DDX10: variants seen among roughly 807,000 people sequenced by gnomAD.
The protein encoded by DDX10 is DEAD-box helicase 10.
A neutral mutation model predicts 104.3 loss-of-function variants in DDX10; 74 were observed. The observed-to-expected ratio is 0.71, with a 90% CI of 0.59 to 0.86. The LOEUF is 0.86. Ranked by LOEUF, DDX10 falls within the 40% of genes least tolerant of loss-of-function variation. The probability of loss-of-function intolerance (pLI) is 0.00; values close to 1 mark genes in which losing one functional copy is unlikely to be tolerated. For synonymous variants in DDX10, 351 were observed against 353.4 expected, an observed-to-expected ratio of 0.99 and a Z score of 0.08; for missense variants, 952 against 1,040.0, an observed-to-expected ratio of 0.92 and a Z score of 1.16.
intron 17 of DDX10, among the ~76,000 whole-genome samples, chr11:108,928,761 A>G (rs1293744090): frequency 1.3e-5 from 2 of 152,236 alleles, no homozygotes; most frequent in Admixed American, 6.5e-5. Flanking sequence ...ATGACATTGA[A>G]TAGGGTCATT....
At chr11:108,720,608 G>A (rs1464480477) in intron 12 of DDX10, among the ~76,000 whole-genome samples, 4 of 151,974 alleles carry the variant, frequency 2.6e-5, no homozygotes, top group Non-Finnish European at 5.9e-5. Context: ...TTGCGGGGGA[G>A]GAGACAGGGT....
intron 9 of DDX10, among the ~76,000 whole-genome samples, chr11:108,699,147 A>C (rs2094263986): frequency 1.3e-5 from 2 of 150,956 alleles, no homozygotes; most frequent in Non-Finnish European, 3.0e-5. Context: ...CTAAGTGCTT[A>C]GAACAGGACC....
chr11:108,906,683 T>C (rs866805340), intron 16 of DDX10, among the ~76,000 whole-genome samples: 1 of 152,216 alleles, frequency 6.6e-6, no homozygotes, highest in South Asian at 2.1e-4. Flanking sequence ...TAATATCTTA[T>C]TTAGTGTAAT....
At chr11:108,803,603 G>GA (rs1278660507) in intron 13 of DDX10, among the ~76,000 whole-genome samples, 3 of 133,960 alleles carry the variant, frequency 2.2e-5, no homozygotes, top group African/African-American at 5.6e-5. Flanking sequence ...AAAAAAAAAA[G>GA]AAAAAAATCT....
chr11:108,814,886 C>G (rs1862234695), intron 13 of DDX10, among the ~76,000 whole-genome samples: 1 of 152,112 alleles, frequency 6.6e-6, no homozygotes, highest in Non-Finnish European at 1.5e-5. Flanking sequence ...AAGAAACTGA[C>G]AGTTTAATGA....
chr11:108,937,456 AACTC>A (rs1864051276), intron 17 of DDX10, among the ~76,000 whole-genome samples: 1 of 152,230 alleles, frequency 6.6e-6, no homozygotes, highest in African/African-American at 2.4e-5. Flanking sequence ...TTCCATTTAA[AACTC>A]AATTACAAAT....
intron 13 of DDX10, among the ~76,000 whole-genome samples, chr11:108,748,820 A>G (rs1252934496): frequency 1.3e-5 from 2 of 152,094 alleles, no homozygotes. Flanking sequence ...AGCTGGGACT[A>G]TAGGTACACA....
intron 9 of DDX10, among the ~76,000 whole-genome samples, chr11:108,697,682 G>A (rs1421800500): frequency 6.6e-6 from 1 of 152,122 alleles, no homozygotes; most frequent in Admixed American, 6.5e-5. Flanking sequence ...CCAGGTATAT[G>A]AATATAGTTT....
chr11:108,816,507 T>C (rs948718714), intron 13 of DDX10, among the ~76,000 whole-genome samples: 1 of 151,986 alleles, frequency 6.6e-6, no homozygotes, highest in African/African-American at 2.4e-5. Context: ...GTTCACTTAC[T>C]GCCCTAATTC....
At chr11:108,744,489 A>G (rs2094329020) in intron 13 of DDX10, among the ~76,000 whole-genome samples, 1 of 152,188 alleles carries the variant, frequency 6.6e-6, no homozygotes, top group South Asian at 2.1e-4. Context: ...TACAGACCCC[A>G]AAGTCTACTG....
intron 13 of DDX10, among the ~76,000 whole-genome samples, chr11:108,758,080 C>A (rs1565269448): frequency 6.6e-6 from 1 of 151,956 alleles, no homozygotes; most frequent in Non-Finnish European, 1.5e-5. Context: ...GTTCTTTACC[C>A]TCCTAACTAG....
chr11:108,711,579 C>A (rs1442530558), intron 10 of DDX10, among the ~76,000 whole-genome samples: 1 of 152,038 alleles, frequency 6.6e-6, no homozygotes, highest in East Asian at 1.9e-4. Context: ...GTGATCTGCC[C>A]TCCTCGGCCT....
chr11:108,831,381 C>T (rs903088661), intron 13 of DDX10, among the ~76,000 whole-genome samples: 15 of 142,534 alleles, frequency 1.1e-4, no homozygotes, highest in Non-Finnish European at 2.0e-4. Flanking sequence ...TCTTCCCTGG[C>T]GCCACTGCAC....
chr11:108,673,465 A>G lies in DDX10; in HGVS notation c.187-2A>G. The stretch of plus-strand genomic sequence containing the variant: ...CCCTGATTCCTTTTTCTTTTTTTCC[A>G]GATAAATGTAAATGAAATCACAAGA... On this transcript the variant is annotated splice_acceptor_variant, in intron 1 of 17. Transcript: ENST00000322536. LOFTEE classifies it high-confidence loss of function. 1.9e-6 allele frequency: 3 copies of G among 1,581,018 alleles called. No individual in the cohort carries two copies. The highest frequency in any genetic ancestry group is 2.6e-6 in the Non-Finnish European group (3 of 1,151,172).
At position 108,854,140 on chromosome 11, in the gene DDX10, A is replaced by G. The variant is rs1383213549; in HGVS notation, c.2304+1931A>G. Reference sequence around the variant, plus strand: ...GGTTCAGGCTGACTGACAGAGCCCAAGGAATGAGCTCAAACCAACCTTTTG... The same window carrying G: ...GGTTCAGGCTGACTGACAGAGCCCAGGGAATGAGCTCAAACCAACCTTTTG... On this transcript the variant is annotated intron_variant, in intron 16 of 17. Coordinates refer to ENST00000322536, the MANE Select transcript of DDX10 (RefSeq NM_004398.4). 2.6e-5 allele frequency among the ~76,000 whole-genome samples: 4 copies of G among 152,328 alleles called. No homozygotes were observed. In the East Asian group the frequency reaches 7.7e-4, roughly 29 times the overall value.
At position 108,706,819 on chromosome 11, in the gene DDX10, T is replaced by G; in HGVS notation, c.1304T>G (p.Val435Gly). 6.2e-7 allele frequency: 1 copy of G among 1,613,854 alleles called. No homozygotes were observed. Among genetic ancestry groups the G allele is most frequent in the Non-Finnish European group, 8.5e-7 (1 of 1,179,762 alleles). Residue 435 changes from valine to glycine, a missense_variant, in exon 10 of 18, where the codon GTA becomes GGA. Val to Gly is a moderately radical substitution (Grantham distance 109). This residue lies in a region of DDX10 where 533 missense variants were observed against 534.1 expected (regional missense o/e 1.00). Coordinates refer to ENST00000322536, the MANE Select transcript of DDX10 (RefSeq NM_004398.4). ...GTGCAGCAGCTTCTTCAGAAGAAAG[T>G]ACCTGTGAAGGAAATCAAGTAAGAG... is the stretch of plus-strand genomic sequence containing the variant. ...AMVQQLLQKK[V>G]PVKEIKINPE...
At position 108,691,926 on chromosome 11, in the gene DDX10, C is replaced by A. The variant is rs1258482097; in HGVS notation, c.1026C>A (p.Ile342=). 1 of 1,613,988 alleles carries A rather than the reference C, an allele frequency of 6.2e-7. No individual in the cohort carries two copies. The highest frequency in any genetic ancestry group is 8.5e-7 in the Non-Finnish European group (1 of 1,180,020). The part of the protein sequence containing the change: ...VFCRLRPGVS[I]LALHGRQQQM... ...GCCGGCTACGTCCTGGTGTTTCTATCCTTGCACTCCATGGTCGACAGCAGC... is the reference window on the plus strand; with the variant it reads ...GCCGGCTACGTCCTGGTGTTTCTATACTTGCACTCCATGGTCGACAGCAGC... The change falls in exon 8 of 18, where the codon ATC becomes ATA. Residue 342 remains isoleucine, a synonymous_variant. Transcript: ENST00000322536.
chr11:108,925,301 T>A (rs1863894305), intron 17 of DDX10, among the ~76,000 whole-genome samples: 4 of 152,202 alleles, frequency 2.6e-5, no homozygotes. Flanking sequence ...GCTACTCTCT[T>A]ACTGTTACTG....
At position 108,665,279 on chromosome 11, in the gene DDX10, G is replaced by A. The variant is rs369106116; in HGVS notation, c.126G>A (p.Lys42=). 8.7e-6 allele frequency: 14 copies of A among 1,608,298 alleles called. No individual in the cohort carries two copies. The highest frequency in any genetic ancestry group is 1.2e-5 in the Non-Finnish European group (14 of 1,177,796). ...NKKKQLRKQL[K]KPEWQVERES... is the part of the protein sequence containing the mutation. ...AGAAGCAGTTGAGGAAGCAACTGAA[G>A]AAACCCGAATGGCAGGTCGAGCGCG... Residue 42 remains lysine (K), a synonymous_variant, in exon 1 of 18, where the codon AAG becomes AAA. Transcript: ENST00000322536.
Sources: allele counts gnomAD v4.1 joint callset (sites outside exome capture counted in the v4.1 genomes callset), GRCh38; gene constraint gnomAD v4.1.1; regional missense constraint gnomAD v4.1.1; transcripts MANE v1.5; gene names NCBI Gene and HGNC (gene_info 2026-07-23, HGNC 2026-07-21).